The following NKAIN3 variants were observed in gnomAD, a reference collection of about 807,000 sequenced individuals.
NKAIN3 encodes the protein sodium/potassium transporting ATPase interacting 3, also known as sodium/potassium-transporting ATPase subunit beta-1-interacting protein 3.
A neutral mutation model predicts 30.2 loss-of-function variants in NKAIN3; 25 were observed. That is an observed-to-expected ratio of 0.83 (90% CI 0.60 to 1.16). The LOEUF (loss-of-function observed/expected upper bound fraction) is 1.16. Ranked by LOEUF, NKAIN3 falls within the 50% of genes most tolerant of loss-of-function variation. The pLI is 0.00. For synonymous variants in NKAIN3, 91 were observed against 89.6 expected (o/e 1.02, Z -0.09); for missense variants, 225 against 254.1 (o/e 0.89, Z 0.78).
intron 1 of NKAIN3, among the ~76,000 whole-genome samples, chr8:62,425,276 A>T (rs149254636): frequency 1.3e-3 from 194 of 152,030 alleles, no homozygotes; most frequent in African/African-American, 4.6e-3. Flanking sequence ...GTCTCATATT[A>T]TGTACTCTTA....
At position 62,966,019 on chromosome 8, in the gene NKAIN3, C is replaced by T; in HGVS notation, c.*612C>T. The T allele has an allele frequency of 1.0e-6, 1 of 984,584 alleles. No homozygotes were observed. The highest frequency in any genetic ancestry group is 1.2e-6 in the Non-Finnish European group (1 of 829,300). 61.0% of individuals were successfully genotyped at this position (984,584 alleles called of 1,614,324 possible). A position where few individuals can be genotyped will look rare whatever the true frequency, so the allele number is the denominator to read the frequency against. On this transcript the variant is annotated 3_prime_UTR_variant, in exon 7 of 7. Transcript: ENST00000623646. Reference sequence around the variant, plus strand: ...GGCAATCTAAATTTTCAGATTCGTGCATATCTTGTTTTTCCTGATATATAT... The same window carrying T: ...GGCAATCTAAATTTTCAGATTCGTGTATATCTTGTTTTTCCTGATATATAT...
chr8:62,823,605 A>G (rs1455174808), intron 4 of NKAIN3, among the ~76,000 whole-genome samples: 2 of 152,220 alleles, frequency 1.3e-5, no homozygotes, highest in African/African-American at 2.4e-5. Context: ...ACTGATTAAG[A>G]AAGCCCTTCG....
At chr8:62,466,387 G>A (rs1012848840) in intron 1 of NKAIN3, among the ~76,000 whole-genome samples, 34 of 151,960 alleles carry the variant, frequency 2.2e-4, no homozygotes, top group African/African-American at 4.3e-4. Flanking sequence ...CAGTGTTTTC[G>A]TCTCTAAGAT....
At chr8:62,571,082 C>G (rs917378462) in intron 1 of NKAIN3, among the ~76,000 whole-genome samples, 1 of 151,488 alleles carries the variant, frequency 6.6e-6, no homozygotes, top group African/African-American at 2.4e-5. Context: ...TTCTTATTAG[C>G]TAAGTTGGTA....
chr8:62,892,336 T>A (rs1403447739), intron 4 of NKAIN3, among the ~76,000 whole-genome samples: 1 of 152,196 alleles, frequency 6.6e-6, no homozygotes, highest in Non-Finnish European at 1.5e-5. Flanking sequence ...TCTTTCTAAA[T>A]CTGCTTCCAT....
At chr8:62,465,966 G>A (rs1186340573) in intron 1 of NKAIN3, among the ~76,000 whole-genome samples, 1 of 152,042 alleles carries the variant, frequency 6.6e-6, no homozygotes, top group Admixed American at 6.6e-5. Context: ...GAGGTTTAGT[G>A]AGCCAAGATC....
chr8:62,531,559 G>T (rs1808491885), intron 1 of NKAIN3, among the ~76,000 whole-genome samples: 1 of 152,006 alleles, frequency 6.6e-6, no homozygotes, highest in Non-Finnish European at 1.5e-5. Context: ...TCATTTTAAG[G>T]AGCTAATCAC....
chr8:62,921,137 C>T (rs1822264073), intron 5 of NKAIN3, among the ~76,000 whole-genome samples: 1 of 152,152 alleles, frequency 6.6e-6, no homozygotes, highest in Non-Finnish European at 1.5e-5. Flanking sequence ...GTGAGGAAGA[C>T]ATGTCCTTTG....
chr8:62,840,804 A>G (rs1819508229), intron 4 of NKAIN3, among the ~76,000 whole-genome samples: 1 of 152,168 alleles, frequency 6.6e-6, no homozygotes, highest in Non-Finnish European at 1.5e-5. Flanking sequence ...TCTATTGAAT[A>G]TATGGCCTAC....
chr8:62,787,940 C>T (rs909212141), intron 4 of NKAIN3, among the ~76,000 whole-genome samples: 3 of 152,104 alleles, frequency 2.0e-5, no homozygotes, highest in Non-Finnish European at 1.5e-5. Context: ...TGTTGGACAT[C>T]TGGCTTGGTT....
chr8:62,859,516 A>C (rs923849892), intron 4 of NKAIN3, among the ~76,000 whole-genome samples: 2 of 150,026 alleles, frequency 1.3e-5, no homozygotes, highest in African/African-American at 4.9e-5. Flanking sequence ...ACTAAAAAAA[A>C]AAAAACTTCA....
chr8:62,417,933 G>A (rs1393531438), intron 1 of NKAIN3, among the ~76,000 whole-genome samples: 3 of 152,188 alleles, frequency 2.0e-5, no homozygotes, highest in Non-Finnish European at 2.9e-5. Flanking sequence ...TCAAAAAAGA[G>A]AGGATGAAGA....
chr8:62,409,659 T>C (rs1402683035), intron 1 of NKAIN3, among the ~76,000 whole-genome samples: 1 of 152,140 alleles, frequency 6.6e-6, no homozygotes, highest in Non-Finnish European at 1.5e-5. Context: ...ATTTAGATTT[T>C]ATTTAAAATG....
chr8:62,812,143 G>T (rs890000644), intron 4 of NKAIN3, among the ~76,000 whole-genome samples: 1 of 151,892 alleles, frequency 6.6e-6, no homozygotes, highest in South Asian at 2.1e-4. Context: ...AATCAATTGG[G>T]TATAGTTGTG....
At chr8:62,301,283 T>C (rs957101694) in intron 1 of NKAIN3, among the ~76,000 whole-genome samples, 6 of 152,080 alleles carry the variant, frequency 3.9e-5, no homozygotes, top group African/African-American at 1.4e-4. Flanking sequence ...AGAAAAACTT[T>C]AGAAAAATTA....
intron 1 of NKAIN3, among the ~76,000 whole-genome samples, chr8:62,490,526 T>A (rs1231838889): frequency 6.6e-6 from 1 of 152,230 alleles, no homozygotes; most frequent in Non-Finnish European, 1.5e-5. Flanking sequence ...ATTATGGAAC[T>A]CAAGGACTCT....
At chr8:62,797,876 C>T (rs184142082) in intron 4 of NKAIN3, among the ~76,000 whole-genome samples, 11 of 152,160 alleles carry the variant, frequency 7.2e-5, no homozygotes, top group East Asian at 3.9e-4. Flanking sequence ...ATTTGTAGAC[C>T]GACCCTCACA....
At chr8:62,436,332 CTG>C (rs1024990473) in intron 1 of NKAIN3, among the ~76,000 whole-genome samples, 2 of 152,106 alleles carry the variant, frequency 1.3e-5, no homozygotes, top group Non-Finnish European at 2.9e-5. Flanking sequence ...TTTCTTGGTC[CTG>C]TGTGTGGCTG....
At chr8:62,903,472 C>T (rs921903309) in intron 4 of NKAIN3, among the ~76,000 whole-genome samples, 6 of 152,078 alleles carry the variant, frequency 3.9e-5, no homozygotes, top group African/African-American at 1.2e-4. Flanking sequence ...GCCTAGACTT[C>T]TGTTCTGCTG....
Sources: gnomAD v4.1 joint callset for allele counts (sites outside exome capture counted in the v4.1 genomes callset) on GRCh38, gnomAD v4.1.1 for gene constraint, MANE v1.5 for transcripts, NCBI Gene and HGNC (gene_info 2026-07-23, HGNC 2026-07-21) for gene names.